Variants in OR1R1 observed in about 807,000 individuals in gnomAD.
OR1R1 encodes the protein olfactory receptor family 1 subfamily R member 1.
chr17:3,386,399 T>C, the OR1R1 span: 9 of 398,480 alleles, frequency 2.3e-5, no homozygotes, highest in East Asian at 3.2e-4. Flanking sequence ...CTGCACTCGC[T>C]GCTGCACACG....
At chr17:3,386,179 G>C in the OR1R1 span, 1 of 398,856 alleles carries the variant, frequency 2.5e-6, no homozygotes, top group Non-Finnish European at 4.4e-6. Flanking sequence ...GCTGCTGGCC[G>C]GCCTGCTCCA....
At chr17:3,386,369 C>T in the OR1R1 span, 3 of 398,280 alleles carry the variant, frequency 7.5e-6, no homozygotes, top group South Asian at 1.3e-4. Flanking sequence ...CTGGTGCGTG[C>T]GTCGTGGGCC....
the OR1R1 span, chr17:3,386,759 T>C: frequency 7.8e-5 from 31 of 398,514 alleles, no homozygotes; most frequent in African/African-American, 2.1e-4. Context: ...GCCAGCGTGG[T>C]CTACGCTGTC....
the OR1R1 span, chr17:3,386,439 C>T: frequency 2.5e-6 from 1 of 398,428 alleles, no homozygotes; most frequent in Non-Finnish European, 4.4e-6. Context: ...CCTACCCCTA[C>T]CCCACCCCCG....
chr17:3,386,604 T>G, the OR1R1 span: 2 of 398,528 alleles, frequency 5.0e-6, no homozygotes, highest in African/African-American at 4.1e-5. Flanking sequence ...CTGGTCGCGG[T>G]GCTCGGCTTG....
chr17:3,386,607 T>C, the OR1R1 span: 8 of 398,574 alleles, frequency 2.0e-5, no homozygotes, highest in Non-Finnish European at 2.7e-5. Context: ...GTCGCGGTGC[T>C]CGGCTTGCCG....
the OR1R1 span, chr17:3,386,705 A>G: frequency 2.5e-6 from 1 of 397,990 alleles, no homozygotes; most frequent in African/African-American, 2.1e-5. Context: ...CTCTCCGTGT[A>G]TTTCCCGCCG....
chr17:3,386,710 C>T, the OR1R1 span: 3 of 398,508 alleles, frequency 7.5e-6, no homozygotes, highest in Non-Finnish European at 1.3e-5. Flanking sequence ...CGTGTATTTC[C>T]CGCCGTCGTC....
chr17:3,386,338 A>T, the OR1R1 span: 2 of 397,684 alleles, frequency 5.0e-6, no homozygotes, highest in Non-Finnish European at 4.4e-6. Flanking sequence ...CGCGCTGGTG[A>T]CGCCATGGCG....
chr17:3,386,565 C>A, the OR1R1 span: 1 of 398,346 alleles, frequency 2.5e-6, no homozygotes, highest in Non-Finnish European at 4.4e-6. Flanking sequence ...CCCCGCTGCT[C>A]CTCGTGTTCC....
the OR1R1 span, chr17:3,386,199 G>C: frequency 2.5e-6 from 1 of 398,822 alleles, no homozygotes; most frequent in Non-Finnish European, 4.4e-6. Flanking sequence ...ACCCGGGCCA[G>C]GCCATATCCT....
chr17:3,386,297 C>A, the OR1R1 span: 1 of 398,424 alleles, frequency 2.5e-6, no homozygotes, highest in East Asian at 3.6e-5. Context: ...TACGACCGCC[C>A]GACGGCGGCG....
the OR1R1 span, chr17:3,386,551 T>G: frequency 2.5e-6 from 1 of 398,410 alleles, no homozygotes; most frequent in Non-Finnish European, 4.4e-6. Context: ...GGCCGTGGTG[T>G]TGGCCCCGCT....
At chr17:3,386,538 C>T in the OR1R1 span, 1 of 398,434 alleles carries the variant, frequency 2.5e-6, no homozygotes, top group Non-Finnish European at 4.4e-6. Flanking sequence ...TCTCCGAGGG[C>T]CTGGCCGTGG....
the OR1R1 span, chr17:3,386,334 G>A: frequency 7.5e-6 from 3 of 398,194 alleles, no homozygotes; most frequent in Non-Finnish European, 1.3e-5. Flanking sequence ...ACGGCGCGCT[G>A]GTGACGCCAT....
chr17:3,386,067 G>T, the OR1R1 span: 1 of 398,794 alleles, frequency 2.5e-6, no homozygotes. Context: ...TGAGCATGGT[G>T]GCGCTGGTGA....
chr17:3,386,763 C>T, the OR1R1 span: 1 of 398,652 alleles, frequency 2.5e-6, no homozygotes, highest in Non-Finnish European at 4.4e-6. Flanking sequence ...GCGTGGTCTA[C>T]GCTGTCATCA....
chr17:3,386,358 G>T, the OR1R1 span: 6 of 398,134 alleles, frequency 1.5e-5, no homozygotes, highest in South Asian at 1.3e-4. Context: ...GCTGCGCCTC[G>T]CTGGTGCGTG....
At chr17:3,386,429 C>A in the OR1R1 span, 1 of 398,486 alleles carries the variant, frequency 2.5e-6, no homozygotes, top group Non-Finnish European at 4.4e-6. Flanking sequence ...TCCGCGCTCT[C>A]CTACCCCTAC....
Sources: allele counts gnomAD v4.1 joint callset, GRCh38; gene constraint gnomAD v4.1.1; transcripts MANE v1.5; gene names NCBI Gene and HGNC (gene_info 2026-07-23, HGNC 2026-07-21).